Variants in RYR2 observed in about 807,000 individuals in gnomAD.
The protein encoded by RYR2 is ryanodine receptor 2.
In RYR2, 227 loss-of-function variants were observed where a neutral mutation model predicts 601.1. That is an observed-to-expected ratio of 0.38 (90% CI 0.34 to 0.42). The LOEUF (loss-of-function observed/expected upper bound fraction) is 0.42, where lower values mean the gene tolerates loss of function less well. RYR2 is among the 10% of genes least tolerant of loss of function. The pLI is 1.00. For synonymous variants in RYR2, 2,223 were observed against 2,175.1 expected (o/e 1.02, Z -0.61); for missense variants, 4,646 against 6,156.5 (o/e 0.75, Z 8.21).
chr1:237,338,813 G>A (rs1697487804), intron 3 of RYR2, among the ~76,000 whole-genome samples: 1 of 152,150 alleles, frequency 6.6e-6, no homozygotes, highest in East Asian at 1.9e-4. Flanking sequence ...TTAATGTTGT[G>A]TCCACGCTAG....
At position 237,503,269 on chromosome 1, in the gene RYR2, C is replaced by T. The variant is rs373117486; in HGVS notation, c.2397-20C>T. 6.3e-7 allele frequency: 1 copy of T among 1,575,054 alleles called. No individual in the cohort carries two copies. The highest frequency in any genetic ancestry group is 8.6e-7 in the Non-Finnish European group (1 of 1,158,230). ...ATGTACACCAGAGATAAAATTGACT[C>T]TAACGTGCATCCTCTTTAGAGTACG... On this transcript the variant is annotated intron_variant, in intron 21 of 104. Coordinates refer to ENST00000366574, the MANE Select transcript of RYR2 (RefSeq NM_001035.3).
chr1:237,354,953 T>C (rs1699167871), intron 3 of RYR2, among the ~76,000 whole-genome samples: 1 of 152,158 alleles, frequency 6.6e-6, no homozygotes, highest in Non-Finnish European at 1.5e-5. Flanking sequence ...ATTTTAAATA[T>C]CACTTTATAA....
chr1:237,157,443 A>G (rs991965803), intron 1 of RYR2, among the ~76,000 whole-genome samples: 8 of 152,168 alleles, frequency 5.3e-5, no homozygotes. Flanking sequence ...TCTCACATTC[A>G]TTGCAGCATT....
intron 86 of RYR2, among the ~76,000 whole-genome samples, chr1:237,772,482 C>T (rs2149316020): frequency 6.6e-6 from 1 of 152,290 alleles, no homozygotes; most frequent in South Asian, 2.1e-4. Flanking sequence ...GCAACTACTA[C>T]CATACACTTA....
intron 12 of RYR2, among the ~76,000 whole-genome samples, chr1:237,430,308 T>C (rs1475150272): frequency 6.6e-6 from 1 of 151,534 alleles, no homozygotes. Context: ...CATGAAAATA[T>C]TGTTCAGTAA....
Position 237,445,395 on chromosome 1 carries a change from T to C in RYR2, c.1171-6T>C. 1 of 1,612,934 alleles carries C rather than the reference T, an allele frequency of 6.2e-7. No homozygotes were observed. On this transcript the variant is annotated splice_polypyrimidine_tract_variant and splice_region_variant and intron_variant, in intron 13 of 104. Coordinates refer to ENST00000366574, the MANE Select transcript of RYR2 (RefSeq NM_001035.3). ...GAGTAATGGCCTTATTTTTGCTTTC[T>C]TACAGGCTATTATGCATCATGAAGG...
chr1:237,329,758 C>T (rs1696532077), intron 2 of RYR2, among the ~76,000 whole-genome samples: 1 of 152,126 alleles, frequency 6.6e-6, no homozygotes, highest in Non-Finnish European at 1.5e-5. Context: ...GCACCCATCA[C>T]CTGAATCGTG....
At position 237,591,749 on chromosome 1, in the gene RYR2, A is replaced by C. The variant is rs371561223; in HGVS notation, c.4171A>C (p.Arg1391=). The change falls in exon 32 of 105, where the codon AGA becomes CGA. Residue 1391 remains arginine (R), a synonymous_variant. Transcript: ENST00000366574. ...PSRLKQRFLL[R]RTKPDYSTSH... is the part of the protein sequence containing the mutation. ...TCTGAAATATTTCAGATTTTTGCTTAGAAGAACAAAGCCAGATTACAGCAC... is the reference window on the plus strand; with the variant it reads ...TCTGAAATATTTCAGATTTTTGCTTCGAAGAACAAAGCCAGATTACAGCAC... 8 of 1,612,656 alleles carry C rather than the reference A, an allele frequency of 5.0e-6. No individual in the cohort carries two copies. The highest frequency in any genetic ancestry group is 6.8e-6 in the Non-Finnish European group (8 of 1,179,204).
In RYR2 at chr1:237,380,359, A is replaced by AAT. The variant is rs57204036; in HGVS notation, c.576+2986_576+2987dup. ...GCACACTTGCCTTGTAGAATACACA[A>AAT]ATATATATATATATATATATATATA... On this transcript the variant is annotated intron_variant, in intron 8 of 104. Transcript: ENST00000366574. 4.4e-3 allele frequency among the ~76,000 whole-genome samples: 128 copies of AAT among 29,194 alleles called. 2 individuals carry two copies. The highest frequency in any genetic ancestry group is 6.3e-3 in the Non-Finnish European group (89 of 14,040). The allele number at this position is 29,194 out of a possible 152,430, so 19.2% of individuals were successfully genotyped here.
At position 237,350,627 on chromosome 1, in the gene RYR2, ATATATATC is replaced by A. The variant is rs201275332; in HGVS notation, c.274-5336_274-5329del. Among the ~76,000 whole-genome samples the A allele has an allele frequency of 7.5e-3, 930 of 124,384 alleles. 24 individuals carry two copies. The highest frequency in any genetic ancestry group is 0.026 in the East Asian group (108 of 4,198). 81.6% of individuals were successfully genotyped at this position (124,384 alleles called of 152,430 possible). A position where few individuals can be genotyped will look rare whatever the true frequency, so the allele number is the denominator to read the frequency against. On this transcript the variant is annotated intron_variant, in intron 3 of 104. Coordinates refer to ENST00000366574, the MANE Select transcript of RYR2 (RefSeq NM_001035.3). ...AATATATATATATATATATATATAT[ATATATATC>A]TCTGACCTCTGAGAAAGAATTTAGG...
At chr1:237,535,064 G>A (rs999674284) in intron 25 of RYR2, among the ~76,000 whole-genome samples, 4 of 150,992 alleles carry the variant, frequency 2.6e-5, no homozygotes, top group Non-Finnish European at 5.9e-5. Flanking sequence ...TAGATCTCTT[G>A]GATTTATACA....
At chr1:237,493,391 T>C (rs1455231797) in intron 19 of RYR2, among the ~76,000 whole-genome samples, 2 of 152,220 alleles carry the variant, frequency 1.3e-5, no homozygotes, top group African/African-American at 4.8e-5. Flanking sequence ...TATATGGTTG[T>C]ATATAATTGT....
chr1:237,550,769 G>T (rs1670308183), intron 27 of RYR2, 78 bp downstream of exon 27: 1 of 1,431,582 alleles, frequency 7.0e-7, no homozygotes, highest in Non-Finnish European at 9.3e-7. Flanking sequence ...ATGAATAAAA[G>T]GGGGAGTACT....
In RYR2 at chr1:237,042,530, T is replaced by C; in HGVS notation, c.9T>C (p.Asp3=). 8.0e-7 allele frequency: 1 copy of C among 1,256,836 alleles called. No individual in the cohort carries two copies. The highest frequency in any genetic ancestry group is 1.0e-6 in the Non-Finnish European group (1 of 992,812). The allele number at this position is 1,256,836 out of a possible 1,614,324, so 77.9% of individuals were successfully genotyped here. A position where few individuals can be genotyped will look rare whatever the true frequency, so the allele number is the denominator to read the frequency against. MA[D]GGEGEDEIQF... is the part of the protein sequence containing the mutation. ...CGAGGAGGCGCGGAACCATGGCCGA[T>C]GGGGGCGAGGGCGAAGACGAGATCC... is the stretch of plus-strand genomic sequence containing the variant. Residue 3 remains aspartate (D), a synonymous_variant, in exon 1 of 105, where the codon GAT becomes GAC. Transcript: ENST00000366574.
intron 1 of RYR2, among the ~76,000 whole-genome samples, chr1:237,064,767 T>G (rs865972600): frequency 1.3e-4 from 19 of 145,740 alleles, no homozygotes; most frequent in African/African-American, 4.8e-4. Flanking sequence ...TTTTTTTTTT[T>G]TTTTTTTTTT....
At chr1:237,053,728 A>G (rs185365894) in intron 1 of RYR2, among the ~76,000 whole-genome samples, 48 of 152,284 alleles carry the variant, frequency 3.2e-4, no homozygotes, top group Non-Finnish European at 1.6e-4. Context: ...GGGATAGGGA[A>G]TAAGGAAAAC....
At position 237,407,616 on chromosome 1, in the gene RYR2, T is replaced by G. The variant is rs866812685; in HGVS notation, c.774-9433T>G. Among the ~76,000 whole-genome samples, 1,255 of 150,916 alleles carry G rather than the reference T, an allele frequency of 8.3e-3. 28 individuals are homozygous for G. The highest frequency in any genetic ancestry group is 0.029 in the African/African-American group (1,205 of 41,256). ...GATTTTTAAATTGTGGTTGTTTTTT[T>G]TTTTTTTTTTTTTAAATTGAGACGG... On this transcript the variant is annotated intron_variant, in intron 10 of 104. Coordinates refer to ENST00000366574, the MANE Select transcript of RYR2 (RefSeq NM_001035.3).
intron 1 of RYR2, among the ~76,000 whole-genome samples, chr1:237,144,382 A>T (rs993514573): frequency 1.1e-4 from 16 of 152,124 alleles, no homozygotes; most frequent in Non-Finnish European, 1.9e-4. Context: ...TTATGTCAGA[A>T]GGTAGTTTTG....
At chr1:237,502,982 C>T (rs1371736478) in intron 21 of RYR2, among the ~76,000 whole-genome samples, 1 of 152,122 alleles carries the variant, frequency 6.6e-6, no homozygotes, top group Non-Finnish European at 1.5e-5. Flanking sequence ...TACGGACATG[C>T]ACTTCATTCC....
Sources: gnomAD v4.1 joint callset for allele counts (sites outside exome capture counted in the v4.1 genomes callset) on GRCh38, gnomAD v4.1.1 for gene constraint, MANE v1.5 for transcripts, NCBI Gene and HGNC (gene_info 2026-07-23, HGNC 2026-07-21) for gene names.